KLHL29: variants seen among roughly 807,000 people sequenced by gnomAD.
KLHL29 encodes the protein kelch-like protein 29.
Under a neutral mutation model 80.4 loss-of-function variants are expected in KLHL29, and 21 were observed. The observed-to-expected ratio is 0.26, with a 90% CI of 0.19 to 0.38. KLHL29 has a LOEUF of 0.38. Ranked by LOEUF, KLHL29 falls within the 10% of genes least tolerant of loss-of-function variation. The pLI, the probability that KLHL29 is intolerant of heterozygous loss-of-function variation, is 1.00. For missense variants in KLHL29, 867 were observed against 1,223.9 expected, an observed-to-expected ratio of 0.71 and a Z score of 4.35; for synonymous variants, 511 against 526.8, an observed-to-expected ratio of 0.97 and a Z score of 0.41.
chr2:23,416,347 C>A (rs1666983768), intron 1 of KLHL29, among the ~76,000 whole-genome samples: 1 of 152,154 alleles, frequency 6.6e-6, no homozygotes, highest in African/African-American at 2.4e-5. Context: ...CTCTTTGTCT[C>A]CCTCCCTCCT....
At chr2:23,425,239 G>C (rs1662975431) in intron 1 of KLHL29, among the ~76,000 whole-genome samples, 1 of 151,926 alleles carries the variant, frequency 6.6e-6, no homozygotes, top group Admixed American at 6.6e-5. Context: ...AATTGTAGGG[G>C]GTTTGTGAAA....
At chr2:23,551,605 C>T (rs183495416) in intron 2 of KLHL29, among the ~76,000 whole-genome samples, 2 of 152,264 alleles carry the variant, frequency 1.3e-5, no homozygotes, top group Non-Finnish European at 2.9e-5. Context: ...TGTATTAAGC[C>T]CTGTCATTAT....
Position 23,647,622 on chromosome 2 carries a change from A to G in KLHL29, c.940+4772A>G, listed in dbSNP as rs1669975207. Among the ~76,000 whole-genome samples, 1 of 152,070 alleles carries G rather than the reference A, an allele frequency of 6.6e-6. No individual in the cohort carries two copies. The highest frequency in any genetic ancestry group is 1.5e-5 in the Non-Finnish European group (1 of 68,010). On this transcript the variant is annotated intron_variant, in intron 5 of 13. Transcript: ENST00000486442. This position sits in a 1 kb window ranked among gnomAD's most constrained non-coding sequence, Gnocchi z 4.9. Reference sequence around the variant, plus strand: ...TCCCAGCCCACAGTGCATTCCTTCCAGTCTGGCTCTACGGTGCTGCCAGAG... The same window carrying G: ...TCCCAGCCCACAGTGCATTCCTTCCGGTCTGGCTCTACGGTGCTGCCAGAG...
At chr2:23,549,582 G>A (rs1667069344) in intron 2 of KLHL29, among the ~76,000 whole-genome samples, 1 of 152,182 alleles carries the variant, frequency 6.6e-6, no homozygotes. Context: ...AAGGCTGTGC[G>A]GTTGGAGACA....
intron 1 of KLHL29, among the ~76,000 whole-genome samples, chr2:23,460,927 G>T (rs367729273): frequency 2.4e-4 from 37 of 152,360 alleles, no homozygotes; most frequent in African/African-American, 8.9e-4. Flanking sequence ...ACTGATAAGG[G>T]CGGAAGTTTG....
chr2:23,518,942 C>A (rs1004824040), intron 2 of KLHL29, among the ~76,000 whole-genome samples: 1 of 152,228 alleles, frequency 6.6e-6, no homozygotes, highest in African/African-American at 2.4e-5. Flanking sequence ...AAAATGTTTT[C>A]TTTTTATTAG....
intron 2 of KLHL29, among the ~76,000 whole-genome samples, chr2:23,517,316 G>A (rs1008390079): frequency 5.3e-5 from 8 of 152,208 alleles, no homozygotes; most frequent in African/African-American, 1.2e-4. Context: ...AGGCCGAGGC[G>A]GGTGGATCAT....
chr2:23,403,833 CGT>C (rs1666657629), intron 1 of KLHL29, among the ~76,000 whole-genome samples: 1 of 149,978 alleles, frequency 6.7e-6, no homozygotes, highest in Non-Finnish European at 1.5e-5. Flanking sequence ...AGAAAAAGAG[CGT>C]GTGTGCGTGT....
chr2:23,395,892 T>C (rs1666442162), intron 1 of KLHL29, among the ~76,000 whole-genome samples: 1 of 152,212 alleles, frequency 6.6e-6, no homozygotes, highest in South Asian at 2.1e-4. Context: ...GAGAGCCGCC[T>C]ATGGTGTGAG....
intron 2 of KLHL29, among the ~76,000 whole-genome samples, chr2:23,484,799 G>A (rs1025721250): frequency 5.9e-5 from 9 of 152,192 alleles, no homozygotes; most frequent in Admixed American, 1.3e-4. Flanking sequence ...AATCTGGCCT[G>A]CACCAGTCTC....
intron 1 of KLHL29, among the ~76,000 whole-genome samples, chr2:23,466,405 G>C (rs1664355632): frequency 6.6e-6 from 1 of 152,208 alleles, no homozygotes; most frequent in African/African-American, 2.4e-5. Context: ...ATGAATTCTA[G>C]ATGATATGTA....
chr2:23,648,768 A>T (rs574815348), intron 5 of KLHL29, among the ~76,000 whole-genome samples: 1 of 152,240 alleles, frequency 6.6e-6, no homozygotes, highest in Non-Finnish European at 1.5e-5. Flanking sequence ...CCAAGGCTGC[A>T]GGCAGAGAGA....
chr2:23,570,855 C>T (rs2103502353), intron 3 of KLHL29, among the ~76,000 whole-genome samples: 1 of 152,314 alleles, frequency 6.6e-6, no homozygotes, highest in South Asian at 2.1e-4. Context: ...AAGGACAAAC[C>T]CATGAGTCCA....
Position 23,539,431 on chromosome 2 carries a change from C to CTTTTT in KLHL29, c.-45-22721_-45-22720insTTTTT, listed in dbSNP as rs1666768797. Among the ~76,000 whole-genome samples, 22 of 107,216 alleles carry CTTTTT rather than the reference C, an allele frequency of 2.1e-4. 7 individuals are homozygous for CTTTTT. The highest frequency in any genetic ancestry group is 2.8e-4 in the African/African-American group (8 of 28,106). The allele number at this position is 107,216 out of a possible 152,430, so 70.3% of individuals were successfully genotyped here. On this transcript the variant is annotated intron_variant, in intron 2 of 13. Transcript: ENST00000486442. The stretch of plus-strand genomic sequence containing the variant: ...ATGCTTTGCTAGCCTTATCCTGCCT[C>CTTTTT]CTTTTTTTTTTTTTTTTTTTTTTTT...
intron 5 of KLHL29, among the ~76,000 whole-genome samples, chr2:23,663,181 C>T (rs1330309661): frequency 6.6e-6 from 1 of 152,204 alleles, no homozygotes; most frequent in Non-Finnish European, 1.5e-5. Context: ...AGGACGAATG[C>T]TATGGAGTGA....
At chr2:23,704,514 C>T (rs1672592917) in intron 13 of KLHL29, among the ~76,000 whole-genome samples, 2 of 152,242 alleles carry the variant, frequency 1.3e-5, no homozygotes, top group African/African-American at 4.8e-5. Flanking sequence ...CACCTGTAAT[C>T]CCAGCACTTT....
intron 1 of KLHL29, among the ~76,000 whole-genome samples, chr2:23,435,104 G>T (rs570085650): frequency 6.6e-6 from 1 of 152,340 alleles, no homozygotes; most frequent in South Asian, 2.1e-4. Flanking sequence ...TGAGGAGGAT[G>T]TGAATTCACT....
intron 1 of KLHL29, among the ~76,000 whole-genome samples, chr2:23,435,148 T>C (rs1420106035): frequency 6.6e-6 from 1 of 151,708 alleles, no homozygotes; most frequent in Non-Finnish European, 1.5e-5. Flanking sequence ...AACATTGGAG[T>C]GTGGTCTTCA....
chr2:23,630,852 A>G (rs1203843616), intron 3 of KLHL29, among the ~76,000 whole-genome samples: 1 of 152,138 alleles, frequency 6.6e-6, no homozygotes, highest in Non-Finnish European at 1.5e-5. Context: ...AGGTAAGAAC[A>G]CAGAATTCCT....
Sources: gnomAD v4.1 joint callset for allele counts (sites outside exome capture counted in the v4.1 genomes callset) on GRCh38, gnomAD v4.1.1 for gene constraint, Gnocchi (gnomAD v3.1) non-coding constraint, MANE v1.5 for transcripts, NCBI Gene and HGNC (gene_info 2026-07-23, HGNC 2026-07-21) for gene names.